Variants in SORCS2 observed in about 807,000 individuals in gnomAD.
SORCS2 encodes the protein sortilin related VPS10 domain containing receptor 2.
In SORCS2, 100 loss-of-function variants were observed where a neutral mutation model predicts 141.6. The observed-to-expected ratio is 0.71, with a 90% CI of 0.60 to 0.83. The LOEUF is 0.83. Ranked by LOEUF, SORCS2 falls within the 40% of genes least tolerant of loss-of-function variation. SORCS2 has a pLI of 0.00. For synonymous variants in SORCS2, 789 were observed against 676.9 expected (o/e 1.17, Z -2.57); for missense variants, 1,646 against 1,560.2 (o/e 1.05, Z -0.93).
chr4:7,296,915 G>A (rs1005150781), intron 1 of SORCS2, among the ~76,000 whole-genome samples: 2 of 152,156 alleles, frequency 1.3e-5, no homozygotes, highest in Non-Finnish European at 2.9e-5. Context: ...CAAGGTCCGC[G>A]TGCCCGGCCT....
chr4:7,646,324 C>G (rs762414150), intron 4 of SORCS2, among the ~76,000 whole-genome samples: 2 of 152,220 alleles, frequency 1.3e-5, no homozygotes, highest in African/African-American at 4.8e-5. Context: ...GGTACGCATC[C>G]GTATGGCTGG....
chr4:7,724,115 ATGGTGGTGG>A (rs757064728), intron 19 of SORCS2, among the ~76,000 whole-genome samples: 15 of 145,214 alleles, frequency 1.0e-4, no homozygotes, highest in South Asian at 2.2e-4. Context: ...AGTGGTGGTG[ATGGTGGTGG>A]TGGTGGTGGT....
chr4:7,594,694 G>T (rs534012376), intron 3 of SORCS2, among the ~76,000 whole-genome samples: 8 of 152,266 alleles, frequency 5.3e-5, no homozygotes, highest in Non-Finnish European at 8.8e-5. Context: ...CCACACACAG[G>T]TGTTTGGGGC....
chr4:7,718,224 C>T, intron 18 of SORCS2, 41 bp downstream of exon 18: 1 of 1,585,798 alleles, frequency 6.3e-7, no homozygotes, highest in South Asian at 1.1e-5. Flanking sequence ...GACTGTCGGG[C>T]AGGGGCGGCT....
chr4:7,558,410 A>C (rs939654498), intron 3 of SORCS2, among the ~76,000 whole-genome samples: 1 of 152,162 alleles, frequency 6.6e-6, no homozygotes, highest in East Asian at 1.9e-4. Context: ...CCTTGGGGGC[A>C]AAACCTACTG....
intron 1 of SORCS2, among the ~76,000 whole-genome samples, chr4:7,264,505 C>T (rs563513333): frequency 7.2e-5 from 11 of 152,272 alleles, no homozygotes; most frequent in Admixed American, 4.6e-4. Context: ...TCCCGACCAC[C>T]GGCTATCCAC....
At position 7,192,852 on chromosome 4, in the gene SORCS2, G is replaced by A; in HGVS notation, c.206G>A (p.Arg69Gln). The change falls in exon 1 of 27, where the codon CGG (arginine) becomes CAG (glutamine). Residue 69 changes from arginine (R) to glutamine (Q), a missense_variant. Physicochemically the swap from Arg to Gln is conservative, Grantham distance 43. Transcript: ENST00000507866. This position sits in a 1 kb window ranked among gnomAD's most constrained non-coding sequence, Gnocchi z 4.0. ...CACGCCCAACTGACCCGGGTGCCGC[G>A]GAGCCCTCCCGCGGGGCGCGCGGAG... ...GPHAQLTRVP[R>Q]SPPAGRAEPG... The A allele has an allele frequency of 3.8e-6, 4 of 1,052,306 alleles. No individual in the cohort carries two copies. The highest frequency in any genetic ancestry group is 7.7e-5 in the East Asian group (1 of 12,968). 65.2% of individuals were successfully genotyped at this position (1,052,306 alleles called of 1,614,324 possible).
intron 1 of SORCS2, among the ~76,000 whole-genome samples, chr4:7,293,100 C>T (rs1366174586): frequency 2.0e-5 from 3 of 151,982 alleles, no homozygotes; most frequent in Non-Finnish European, 2.9e-5. Context: ...GTCAGGAGAT[C>T]GAGACTATCC....
At position 7,542,707 on chromosome 4, in the gene SORCS2, C is replaced by G. The variant is rs143392113; in HGVS notation, c.648+11078C>G. 2.9e-3 allele frequency among the ~76,000 whole-genome samples: 444 copies of G among 152,360 alleles called. 4 individuals are homozygous for G. The highest frequency in any genetic ancestry group is 0.02 in the Middle Eastern group (6 of 294). Reference sequence around the variant, plus strand: ...CACTTTGTCTCGGAAGCCCCAGACGCTGATGAGAATGGAGTCGCTCACGTG... The same window carrying G: ...CACTTTGTCTCGGAAGCCCCAGACGGTGATGAGAATGGAGTCGCTCACGTG... On this transcript the variant is annotated intron_variant, in intron 3 of 26. Coordinates refer to ENST00000507866, the MANE Select transcript of SORCS2 (RefSeq NM_020777.3).
rs1716257478 is a variant in SORCS2 at position 7,286,812 on chromosome 4, T to A, written c.480+93686T>A. On this transcript the variant is annotated intron_variant, in intron 1 of 26. Coordinates refer to ENST00000507866, the MANE Select transcript of SORCS2 (RefSeq NM_020777.3). The surrounding 1 kb of genome is among the most constrained non-coding windows in gnomAD (Gnocchi z 4.1). Reference sequence around the variant, plus strand: ...GGGAGGCGTCTTGGGTCCCAGACCGTGGAACCTGGGTGCTGCTTTTCAGGG... The same window carrying A: ...GGGAGGCGTCTTGGGTCCCAGACCGAGGAACCTGGGTGCTGCTTTTCAGGG... Among the ~76,000 whole-genome samples the A allele has an allele frequency of 6.6e-6, 1 of 152,194 alleles. No individual in the cohort carries two copies. Among genetic ancestry groups the A allele is most frequent in the South Asian group, 2.1e-4 (1 of 4,828 alleles).
chr4:7,682,814 C>T lies in SORCS2; in HGVS notation c.1413C>T (p.Tyr471=). 6.2e-7 allele frequency: 1 copy of T among 1,612,922 alleles called. No individual in the cohort carries two copies. Among genetic ancestry groups the T allele is most frequent in the Non-Finnish European group, 8.5e-7 (1 of 1,179,430 alleles). Residue 471 remains tyrosine (Y), a synonymous_variant, in exon 10 of 27, where the codon TAC becomes TAT. Coordinates refer to ENST00000507866, the MANE Select transcript of SORCS2 (RefSeq NM_020777.3). ...GGAAAGTGATGACGCTTATAACCTACAACAAGGGCCGCGACTGGGATTACC... is the reference window on the plus strand; with the variant it reads ...GGAAAGTGATGACGCTTATAACCTATAACAAGGGCCGCGACTGGGATTACC... The part of the protein sequence containing the change: ...IDGKVMTLIT[Y]NKGRDWDYLR...
In SORCS2 at chr4:7,210,869, C is replaced by T. The variant is rs549969046; in HGVS notation, c.480+17743C>T. ...CCAACCCCCAGCATTCATTCCTGAG[C>T]CCCCAACAAGAGAAGCTTTTGGGAA... On this transcript the variant is annotated intron_variant, in intron 1 of 26. Coordinates refer to ENST00000507866, the MANE Select transcript of SORCS2 (RefSeq NM_020777.3). Among the ~76,000 whole-genome samples, 196 of 152,304 alleles carry T rather than the reference C, an allele frequency of 1.3e-3. 1 individual carries two copies. The highest frequency in any genetic ancestry group is 0.01 in the Middle Eastern group (3 of 294).
rs373080188 is a variant in SORCS2, at chr4:7,654,058, A to G, written c.814-76A>G. 786 of 1,295,790 alleles carry G rather than the reference A, an allele frequency of 6.1e-4. 7 individuals are homozygous for G. In the South Asian group the frequency reaches 9.4e-3, roughly 16 times the overall value. The allele number at this position is 1,295,790 out of a possible 1,614,324, so 80.3% of individuals were successfully genotyped here. A position where few individuals can be genotyped will look rare whatever the true frequency, so the allele number is the denominator to read the frequency against. ...TCTCCTGGGGGATCTGCTGTGGTGA[A>G]GACATCACCCTCTCTCAGAAGCAGC... On this transcript the variant is annotated intron_variant, in intron 4 of 26. Coordinates refer to ENST00000507866, the MANE Select transcript of SORCS2 (RefSeq NM_020777.3).
intron 8 of SORCS2, among the ~76,000 whole-genome samples, chr4:7,673,470 A>T (rs566317449): frequency 6.6e-6 from 1 of 152,356 alleles, no homozygotes; most frequent in African/African-American, 2.4e-5. Context: ...TCATGCAGTC[A>T]TTAAAAGTGC....
intron 3 of SORCS2, among the ~76,000 whole-genome samples, chr4:7,570,945 C>T (rs978644113): frequency 2.6e-5 from 4 of 152,120 alleles, no homozygotes; most frequent in African/African-American, 7.2e-5. Context: ...TGCTGTTCTG[C>T]CCCTTTTCCA....
chr4:7,493,028 A>C (rs1731405067), intron 2 of SORCS2, among the ~76,000 whole-genome samples: 1 of 152,268 alleles, frequency 6.6e-6, no homozygotes, highest in Admixed American at 6.5e-5. Context: ...CCTGTCCTCC[A>C]GGCAGTGACT....
intron 1 of SORCS2, among the ~76,000 whole-genome samples, chr4:7,351,805 C>A (rs1720959780): frequency 6.6e-6 from 1 of 151,854 alleles, no homozygotes; most frequent in African/African-American, 2.4e-5. Flanking sequence ...CTATCCATCA[C>A]CCATCCATTC....
intron 2 of SORCS2, among the ~76,000 whole-genome samples, chr4:7,426,982 A>C (rs1201690549): frequency 1.3e-5 from 2 of 152,122 alleles, no homozygotes; most frequent in African/African-American, 4.8e-5. Flanking sequence ...GCAGCCATGG[A>C]GGCTGGGCCC....
At chr4:7,432,982 G>A (rs1726987253) in intron 2 of SORCS2, 1 of 203,486 alleles carries the variant, frequency 4.9e-6, no homozygotes, top group Non-Finnish European at 9.8e-6. Flanking sequence ...TCCAGCAGAA[G>A]GTAAAGGGGC....
Sources: gnomAD v4.1 joint callset for allele counts (sites outside exome capture counted in the v4.1 genomes callset) on GRCh38, gnomAD v4.1.1 for gene constraint, Gnocchi (gnomAD v3.1) non-coding constraint, MANE v1.5 for transcripts, NCBI Gene and HGNC (gene_info 2026-07-23, HGNC 2026-07-21) for gene names.